The following IGSF11 variants were observed in gnomAD, a reference collection of about 807,000 sequenced individuals.
IGSF11 encodes CXADR like 1.
A neutral mutation model predicts 41.0 loss-of-function variants in IGSF11; 22 were observed. That is an observed-to-expected ratio of 0.54 (90% confidence interval 0.38 to 0.77). The LOEUF is 0.77. IGSF11 is among the 30% of genes least tolerant of loss of function. IGSF11 has a pLI of 0.00. For synonymous variants in IGSF11, 219 were observed against 201.3 expected (o/e 1.09, Z -0.74); for missense variants, 444 against 530.8 (o/e 0.84, Z 1.61).
At chr3:118,997,278 A>G (rs530546549) in intron 1 of IGSF11, among the ~76,000 whole-genome samples, 2 of 152,354 alleles carry the variant, frequency 1.3e-5, no homozygotes, top group South Asian at 4.1e-4. Flanking sequence ...AAACAGGACT[A>G]AGACTATTTT....
intron 4 of IGSF11, among the ~76,000 whole-genome samples, chr3:118,916,998 T>A (rs1941193328): frequency 6.6e-6 from 1 of 152,178 alleles, no homozygotes; most frequent in South Asian, 2.1e-4. Context: ...AACCTGCTCC[T>A]GGATGACTAC....
At chr3:118,958,962 T>C (rs773692942) in intron 1 of IGSF11, among the ~76,000 whole-genome samples, 8 of 152,216 alleles carry the variant, frequency 5.3e-5, no homozygotes, top group African/African-American at 7.2e-5. Context: ...AAATTCCAAG[T>C]GCAGACTCCC....
chr3:119,126,549 C>T (rs2077407335), intron 1 of IGSF11, among the ~76,000 whole-genome samples: 1 of 152,318 alleles, frequency 6.6e-6, no homozygotes, highest in Middle Eastern at 3.4e-3. Context: ...GTCCTGCTCC[C>T]TGTACCACCC....
chr3:118,949,931 T>C (rs1462867120), intron 1 of IGSF11, among the ~76,000 whole-genome samples: 1 of 152,170 alleles, frequency 6.6e-6, no homozygotes, highest in Non-Finnish European at 1.5e-5. Context: ...TTGAAATTAA[T>C]TTACCAATGA....
chr3:119,097,707 T>C (rs1226850556), intron 1 of IGSF11, among the ~76,000 whole-genome samples: 1 of 152,168 alleles, frequency 6.6e-6, no homozygotes, highest in Admixed American at 6.5e-5. Flanking sequence ...AGAGTACCTT[T>C]ATTGAGACTC....
At chr3:118,988,924 T>C (rs1388068283) in intron 1 of IGSF11, among the ~76,000 whole-genome samples, 1 of 152,210 alleles carries the variant, frequency 6.6e-6, no homozygotes, top group Non-Finnish European at 1.5e-5. Flanking sequence ...AGAAAGCTCT[T>C]TCTCCAGTAG....
chr3:119,142,111 T>TA (rs1338747142), intron 1 of IGSF11, among the ~76,000 whole-genome samples: 1 of 151,772 alleles, frequency 6.6e-6, no homozygotes, highest in Non-Finnish European at 1.5e-5. Context: ...CCCTCTCTAC[T>TA]AAAAATACAA....
intron 1 of IGSF11, among the ~76,000 whole-genome samples, chr3:119,064,666 C>T (rs1224992848): frequency 1.3e-5 from 2 of 152,010 alleles, no homozygotes; most frequent in African/African-American, 4.8e-5. Context: ...AATCCAAGAA[C>T]ATGGCATATC....
intron 4 of IGSF11, among the ~76,000 whole-genome samples, chr3:118,907,887 C>T (rs1939803438): frequency 6.6e-6 from 1 of 152,180 alleles, no homozygotes; most frequent in South Asian, 2.1e-4. Context: ...TAGAATATTT[C>T]CTGACCAATA....
At chr3:119,138,145 G>A (rs1421410868) in intron 1 of IGSF11, among the ~76,000 whole-genome samples, 4 of 125,722 alleles carry the variant, frequency 3.2e-5, no homozygotes, top group African/African-American at 6.1e-5. Flanking sequence ...AGAAAAGTTT[G>A]GAGGTTCCTC....
At chr3:119,011,070 C>T (rs959166555) in intron 1 of IGSF11, among the ~76,000 whole-genome samples, 1 of 152,234 alleles carries the variant, frequency 6.6e-6, no homozygotes, top group African/African-American at 2.4e-5. Context: ...AATCCTTCCA[C>T]AAATAACAAC....
intron 1 of IGSF11, chr3:118,949,399 G>A (rs374981778): frequency 2.7e-5 from 4 of 149,816 alleles, no homozygotes; most frequent in African/African-American, 9.8e-5. Context: ...TAGGTAGTCT[G>A]ACCACTCACA....
At chr3:119,059,377 G>A (rs559343873) in intron 1 of IGSF11, among the ~76,000 whole-genome samples, 3 of 152,208 alleles carry the variant, frequency 2.0e-5, no homozygotes, top group East Asian at 1.9e-4. Flanking sequence ...ACACAAAGGC[G>A]TAAGAATGAT....
rs997698943 is a variant in IGSF11, at chr3:119,001,074, C to T, written c.52+33457G>A. On this transcript the variant is annotated intron_variant, in intron 1 of 6. Transcript: ENST00000393775. ...ATGCTTCCACCTCAGGACCTTTGTA[C>T]TGGCTGTCTCTCTGTCTGAAATGTC... Among the ~76,000 whole-genome samples, 5 of 152,256 alleles carry T rather than the reference C, an allele frequency of 3.3e-5. 1 individual carries two copies. Among genetic ancestry groups the T allele is most frequent in the East Asian group, 1.9e-4 (1 of 5,188 alleles).
upstream of IGSF11, among the ~76,000 whole-genome samples, chr3:119,109,552 A>G (rs957982193): frequency 1.3e-5 from 2 of 151,834 alleles, no homozygotes; most frequent in African/African-American, 4.8e-5. Context: ...TCCTGGATTC[A>G]TTAATTTTTT....
chr3:119,141,116 A>T (rs1384119145), intron 1 of IGSF11, among the ~76,000 whole-genome samples: 2 of 151,808 alleles, frequency 1.3e-5, no homozygotes, highest in African/African-American at 4.8e-5. Context: ...AACAGAAAAA[A>T]TTTAGAAAAA....
chr3:118,902,466 CTT>C lies in IGSF11; in HGVS notation c.*52_*53del. On this transcript the variant is annotated 3_prime_UTR_variant, in exon 7 of 7. Coordinates refer to ENST00000393775, the MANE Select transcript of IGSF11 (RefSeq NM_001015887.3). Reference sequence around the variant, plus strand: ...CAGCACTCCCCACCCCACCCTCCCCCTTGTATGAGGGCATTCCATTTATTCAT... The same window carrying C: ...CAGCACTCCCCACCCCACCCTCCCCCGTATGAGGGCATTCCATTTATTCAT... 3.4e-6 allele frequency: 3 copies of C among 878,258 alleles called. No homozygotes were observed. Among genetic ancestry groups the C allele is most frequent in the Non-Finnish European group, 5.5e-6 (3 of 544,872 alleles). 54.4% of individuals were successfully genotyped at this position (878,258 alleles called of 1,614,324 possible).
intron 1 of IGSF11, among the ~76,000 whole-genome samples, chr3:119,032,282 A>G (rs1158769418): frequency 6.6e-6 from 1 of 152,116 alleles, no homozygotes; most frequent in African/African-American, 2.4e-5. Flanking sequence ...GCTATTCCAC[A>G]TTGAAAATTC....
chr3:119,078,354 C>A (rs1248792556), intron 1 of IGSF11, among the ~76,000 whole-genome samples: 3 of 152,076 alleles, frequency 2.0e-5, no homozygotes, highest in African/African-American at 7.2e-5. Flanking sequence ...CAGCATGGTA[C>A]TGGTACAAAA....
Sources: allele counts gnomAD v4.1 joint callset (sites outside exome capture counted in the v4.1 genomes callset), GRCh38; gene constraint gnomAD v4.1.1; transcripts MANE v1.5; gene names NCBI Gene and HGNC (gene_info 2026-07-23, HGNC 2026-07-21).